SAMTOR: variants seen among roughly 807,000 people sequenced by gnomAD.
SAMTOR encodes the protein UPF0532 protein C7orf60.
At chr7:112,826,576 G>T in the SAMTOR span, among the ~76,000 whole-genome samples, 1 of 152,002 alleles carries the variant, frequency 6.6e-6, no homozygotes, top group Non-Finnish European at 1.5e-5. Flanking sequence ...CAAAGAACTA[G>T]CTTTTGCTTT....
chr7:112,836,071 C>T, the SAMTOR span, among the ~76,000 whole-genome samples: 1 of 152,146 alleles, frequency 6.6e-6, no homozygotes, highest in African/African-American at 2.4e-5. Context: ...ACACTGCTTT[C>T]CACAATGGCT....
the SAMTOR span, among the ~76,000 whole-genome samples, chr7:112,896,514 T>G: frequency 6.6e-6 from 1 of 152,234 alleles, no homozygotes; most frequent in South Asian, 2.1e-4. Flanking sequence ...TCAGTTTTTC[T>G]TAGTTCCTAT....
the SAMTOR span, among the ~76,000 whole-genome samples, chr7:112,917,545 C>A: frequency 6.6e-6 from 1 of 152,226 alleles, no homozygotes; most frequent in Non-Finnish European, 1.5e-5. Flanking sequence ...GAGCGCCTCT[C>A]CTCCTCCAAA....
At chr7:112,868,312 C>G in the SAMTOR span, among the ~76,000 whole-genome samples, 2 of 152,100 alleles carry the variant, frequency 1.3e-5, no homozygotes, top group Non-Finnish European at 2.9e-5. Context: ...AACTTTAATT[C>G]AAGAAGGAAA....
At chr7:112,834,386 T>C in the SAMTOR span, among the ~76,000 whole-genome samples, 2 of 152,178 alleles carry the variant, frequency 1.3e-5, no homozygotes, top group Non-Finnish European at 2.9e-5. Context: ...ACTTTACTTT[T>C]TTTTTTTTCA....
the SAMTOR span, among the ~76,000 whole-genome samples, chr7:112,846,046 G>T: frequency 1.3e-5 from 2 of 151,692 alleles, no homozygotes; most frequent in Non-Finnish European, 2.9e-5. Flanking sequence ...AGACACTGGG[G>T]CCTACTTTAA....
At chr7:112,891,258 T>C in the SAMTOR span, among the ~76,000 whole-genome samples, 1 of 152,252 alleles carries the variant, frequency 6.6e-6, no homozygotes, top group Non-Finnish European at 1.5e-5. Flanking sequence ...CGTTATGCAT[T>C]ATAAGCTTTG....
chr7:112,916,042 C>G, the SAMTOR span, among the ~76,000 whole-genome samples: 1 of 152,138 alleles, frequency 6.6e-6, no homozygotes, highest in East Asian at 1.9e-4. Flanking sequence ...TGGACTTGCT[C>G]TAGGCATAAT....
At chr7:112,865,825 T>C in the SAMTOR span, among the ~76,000 whole-genome samples, 7 of 146,814 alleles carry the variant, frequency 4.8e-5, no homozygotes, top group Admixed American at 4.8e-4. Flanking sequence ...CATATATATA[T>C]ATTTATCTAT....
chr7:112,828,683 C>A, the SAMTOR span, among the ~76,000 whole-genome samples: 2 of 152,212 alleles, frequency 1.3e-5, no homozygotes, highest in East Asian at 1.9e-4. Context: ...AAGAGAAAAT[C>A]TTTTTAGCTG....
the SAMTOR span, among the ~76,000 whole-genome samples, chr7:112,880,846 G>A: frequency 1.3e-5 from 2 of 152,298 alleles, no homozygotes; most frequent in African/African-American, 4.8e-5. Flanking sequence ...ATTGATGGCA[G>A]CGGTAGCCTG....
the SAMTOR span, among the ~76,000 whole-genome samples, chr7:112,927,753 T>C: frequency 6.6e-6 from 1 of 152,056 alleles, no homozygotes; most frequent in Non-Finnish European, 1.5e-5. Flanking sequence ...ACAGCTTAAA[T>C]TGTCTTACAA....
At chr7:112,883,102 T>C in the SAMTOR span, among the ~76,000 whole-genome samples, 644 of 152,318 alleles carry the variant, frequency 4.2e-3, 8 homozygotes, top group Non-Finnish European at 3.9e-3. Flanking sequence ...CAATATTTTA[T>C]ATCTTAAGGC....
the SAMTOR span, among the ~76,000 whole-genome samples, chr7:112,934,212 C>G: frequency 2.0e-5 from 3 of 152,144 alleles, no homozygotes; most frequent in African/African-American, 4.8e-5. Flanking sequence ...TTCTTCCAAA[C>G]TCTAACTACT....
the SAMTOR span, among the ~76,000 whole-genome samples, chr7:112,891,653 A>T: frequency 5.3e-5 from 8 of 152,312 alleles, no homozygotes; most frequent in South Asian, 1.4e-3. Context: ...AAGTTACAAA[A>T]TTTTTTTGGT....
At chr7:112,862,479 G>C in the SAMTOR span, among the ~76,000 whole-genome samples, 1 of 152,098 alleles carries the variant, frequency 6.6e-6, no homozygotes, top group Non-Finnish European at 1.5e-5. Context: ...TTATTGGATT[G>C]CATTATATAC....
the SAMTOR span, among the ~76,000 whole-genome samples, chr7:112,888,491 G>A: frequency 6.6e-6 from 1 of 152,114 alleles, no homozygotes; most frequent in Non-Finnish European, 1.5e-5. Context: ...TTAGGGAAAT[G>A]GGTAATTGGG....
the SAMTOR span, among the ~76,000 whole-genome samples, chr7:112,881,865 T>C: frequency 2.6e-5 from 4 of 152,186 alleles, no homozygotes. Flanking sequence ...ATGACAGGAC[T>C]GAAAGAGCTG....
At chr7:112,859,308 A>G in the SAMTOR span, among the ~76,000 whole-genome samples, 4 of 152,232 alleles carry the variant, frequency 2.6e-5, no homozygotes, top group African/African-American at 9.6e-5. Context: ...TCTCATAAAC[A>G]TAATGGAGCT....
Sources: gnomAD v4.1 joint callset for allele counts (sites outside exome capture counted in the v4.1 genomes callset) on GRCh38, gnomAD v4.1.1 for gene constraint, MANE v1.5 for transcripts, NCBI Gene and HGNC (gene_info 2026-07-23, HGNC 2026-07-21) for gene names.